The following RAP1GAP2 variants were observed in gnomAD, a reference collection of about 807,000 sequenced individuals.
The protein encoded by RAP1GAP2 is rap1 GTPase-activating protein 2.
In RAP1GAP2, 27 loss-of-function variants were observed where a neutral mutation model predicts 95.0. The observed-to-expected ratio is 0.28, with a 90% confidence interval of 0.21 to 0.39. The LOEUF (loss-of-function observed/expected upper bound fraction) is 0.39, where lower values mean the gene tolerates loss of function less well. Among genes scored for constraint, RAP1GAP2 ranks in the 10% least tolerant of loss-of-function variants. The pLI, the probability that RAP1GAP2 is intolerant of heterozygous loss-of-function variation, is 1.00. For missense variants in RAP1GAP2, 771 were observed against 970.0 expected (o/e 0.79, Z 2.72); for synonymous variants, 373 against 380.9 (o/e 0.98, Z 0.24).
At chr17:3,025,328 G>C (rs2047073828) in intron 19 of RAP1GAP2, among the ~76,000 whole-genome samples, 1 of 152,188 alleles carries the variant, frequency 6.6e-6, no homozygotes, top group Admixed American at 6.5e-5. Context: ...AGCAATCCAA[G>C]ATCGCACCAC....
chr17:2,883,417 G>A (rs543682870), intron 2 of RAP1GAP2, among the ~76,000 whole-genome samples: 1 of 152,102 alleles, frequency 6.6e-6, no homozygotes, highest in South Asian at 2.1e-4. Flanking sequence ...TCCACTCCAC[G>A]TGCTGCCCTG....
At chr17:2,811,399 T>C (rs2069764713) in intron 2 of RAP1GAP2, among the ~76,000 whole-genome samples, 1 of 152,194 alleles carries the variant, frequency 6.6e-6, no homozygotes, top group Non-Finnish European at 1.5e-5. Flanking sequence ...GAGGGGCTGC[T>C]CTTGTCGTCT....
chr17:3,009,285 T>A (rs1026690963), intron 17 of RAP1GAP2, among the ~76,000 whole-genome samples: 22 of 152,236 alleles, frequency 1.4e-4, no homozygotes, highest in Admixed American at 5.2e-4. Flanking sequence ...CAGCTGTTAT[T>A]ACAGTTGTAT....
intron 2 of RAP1GAP2, among the ~76,000 whole-genome samples, chr17:2,851,913 C>G (rs1052021431): frequency 6.6e-6 from 1 of 152,212 alleles, no homozygotes. Flanking sequence ...CTCCCACACT[C>G]TCACCTGCTG....
intron 2 of RAP1GAP2, among the ~76,000 whole-genome samples, chr17:2,864,524 C>T (rs1040229737): frequency 6.6e-6 from 1 of 152,234 alleles, no homozygotes; most frequent in Non-Finnish European, 1.5e-5. Context: ...TAGCCTCCTG[C>T]TCACTGCAGC....
chr17:3,017,159 C>G (rs1452848447), intron 17 of RAP1GAP2, among the ~76,000 whole-genome samples: 1 of 152,134 alleles, frequency 6.6e-6, no homozygotes, highest in Admixed American at 6.5e-5. Flanking sequence ...GTGGTTGTGC[C>G]TTCCCGGGTC....
At chr17:2,975,322 C>G (rs959507818) in intron 8 of RAP1GAP2, among the ~76,000 whole-genome samples, 2 of 152,016 alleles carry the variant, frequency 1.3e-5, no homozygotes, top group Non-Finnish European at 2.9e-5. Context: ...CAATACCAGC[C>G]TATCAAATTG....
chr17:2,904,523 C>T lies in RAP1GAP2; in HGVS notation c.81-761C>T, dbSNP rs997375722. ...CTGTCTCCCGAGGACAGCTTTTTGA[C>T]CAGGGCCTGTGTGTGTGTGTGTGTG... On this transcript the variant is annotated intron_variant, in intron 2 of 24. Transcript: ENST00000254695. This position sits in a 1 kb window ranked among gnomAD's most constrained non-coding sequence, Gnocchi z 4.7. Among the ~76,000 whole-genome samples the T allele has an allele frequency of 2.5e-5, 2 of 80,776 alleles. No homozygotes were observed. The highest frequency in any genetic ancestry group is 7.3e-5 in the African/African-American group (2 of 27,438). 53.0% of individuals were successfully genotyped at this position (80,776 alleles called of 152,430 possible).
At chr17:3,028,729 T>C (rs898091386) in intron 22 of RAP1GAP2, among the ~76,000 whole-genome samples, 4 of 152,184 alleles carry the variant, frequency 2.6e-5, no homozygotes, top group African/African-American at 9.7e-5. Context: ...GTTCAAATCC[T>C]GGTTGTAGCA....
At chr17:3,026,920 C>T (rs374743003) in intron 21 of RAP1GAP2, 24 bp from the exon 22 acceptor site, 32 of 1,546,280 alleles carry the variant, frequency 2.1e-5, no homozygotes, top group Non-Finnish European at 2.6e-5. Flanking sequence ...GGGCTGGCCT[C>T]GCTCACCCTG....
chr17:2,765,118 G>A (rs2068249319), intron 1 of RAP1GAP2, among the ~76,000 whole-genome samples: 1 of 152,190 alleles, frequency 6.6e-6, no homozygotes, highest in African/African-American at 2.4e-5. Context: ...TTTGGGGCAG[G>A]AAGCAGGTCA....
At chr17:2,983,701 C>T (rs1408589108) in intron 10 of RAP1GAP2, among the ~76,000 whole-genome samples, 2 of 152,208 alleles carry the variant, frequency 1.3e-5, no homozygotes, top group African/African-American at 4.8e-5. Flanking sequence ...CGATCCATTA[C>T]TATTCCTTGT....
intron 12 of RAP1GAP2, among the ~76,000 whole-genome samples, chr17:2,992,949 G>C (rs1471215060): frequency 6.6e-6 from 1 of 151,692 alleles, no homozygotes; most frequent in Non-Finnish European, 1.5e-5. Context: ...AGTGGCTCAC[G>C]CCTGTAATCC....
At chr17:2,982,242 G>A (rs2045389270) in intron 10 of RAP1GAP2, among the ~76,000 whole-genome samples, 2 of 152,190 alleles carry the variant, frequency 1.3e-5, no homozygotes, top group South Asian at 2.1e-4. Context: ...TGGTTGAAGC[G>A]ATTCTCCTGC....
chr17:2,818,026 C>T (rs568035933), intron 2 of RAP1GAP2, among the ~76,000 whole-genome samples: 20 of 151,616 alleles, frequency 1.3e-4, no homozygotes, highest in Admixed American at 9.9e-4. Flanking sequence ...TTAACAGAGA[C>T]GGGGTTTCAC....
At chr17:2,772,461 C>A (rs2068415219), upstream of RAP1GAP2, among the ~76,000 whole-genome samples, 3 of 151,856 alleles carry the variant, frequency 2.0e-5, no homozygotes, top group Admixed American at 6.6e-5. Flanking sequence ...TAATTTATTT[C>A]ATTTTATTCT....
At chr17:2,994,389 GC>G (rs2045883127) in intron 12 of RAP1GAP2, among the ~76,000 whole-genome samples, 1 of 152,202 alleles carries the variant, frequency 6.6e-6, no homozygotes, top group South Asian at 2.1e-4. Flanking sequence ...GTGTATAAAG[GC>G]AGAAGGGACA....
intron 2 of RAP1GAP2, among the ~76,000 whole-genome samples, chr17:2,826,147 ATTTTTTTTT>A (rs71150901): frequency 1.8e-5 from 2 of 108,862 alleles, no homozygotes; most frequent in East Asian, 2.6e-4. Context: ...CGCCCAGCAA[ATTTTTTTTT>A]TTTTTTTTTT....
intron 2 of RAP1GAP2, among the ~76,000 whole-genome samples, chr17:2,868,275 C>T (rs1239591772): frequency 6.6e-6 from 1 of 152,136 alleles, no homozygotes; most frequent in Non-Finnish European, 1.5e-5. Context: ...TGGTGGAGGG[C>T]CAGGCCCAGA....
Sources: gnomAD v4.1 joint callset for allele counts (sites outside exome capture counted in the v4.1 genomes callset) on GRCh38, gnomAD v4.1.1 for gene constraint, Gnocchi (gnomAD v3.1) non-coding constraint, MANE v1.5 for transcripts, NCBI Gene and HGNC (gene_info 2026-07-23, HGNC 2026-07-21) for gene names.